Variants in ELK3 observed in about 807,000 individuals in gnomAD.
ELK3 encodes the protein ETS domain-containing protein Elk-3.
Under a neutral mutation model 28.9 loss-of-function variants are expected in ELK3, and 10 were observed. That is an observed-to-expected ratio of 0.35 (90% CI 0.21 to 0.59). The LOEUF (loss-of-function observed/expected upper bound fraction) is 0.59. Ranked by LOEUF, ELK3 falls within the 20% of genes least tolerant of loss-of-function variation. ELK3 has a pLI of 0.82. For synonymous variants in ELK3, 272 were observed against 243.5 expected (o/e 1.12, Z -1.09); for missense variants, 463 against 517.3 (o/e 0.90, Z 1.02).
chr12:96,262,952 C>T (rs1952004923), intron 4 of ELK3, among the ~76,000 whole-genome samples: 1 of 152,036 alleles, frequency 6.6e-6, no homozygotes, highest in Non-Finnish European at 1.5e-5. Flanking sequence ...CGCTGGCCAA[C>T]ATCCCTTTTA....
intron 2 of ELK3, among the ~76,000 whole-genome samples, chr12:96,245,626 C>T (rs1307047627): frequency 6.6e-6 from 1 of 152,056 alleles, no homozygotes; most frequent in Non-Finnish European, 1.5e-5. Flanking sequence ...AAACAGAGTC[C>T]TTTTCCCATA....
chr12:96,257,823 C>A (rs143317713), intron 3 of ELK3, among the ~76,000 whole-genome samples: 2 of 152,336 alleles, frequency 1.3e-5, no homozygotes, highest in East Asian at 3.9e-4. Flanking sequence ...AGGATTAAGT[C>A]CTTCTCTGTA....
intron 4 of ELK3, among the ~76,000 whole-genome samples, chr12:96,262,518 G>GA (rs1952000257): frequency 6.6e-6 from 1 of 151,860 alleles, no homozygotes; most frequent in Admixed American, 6.6e-5. Context: ...TACAACCCTT[G>GA]AAAAAAAAGA....
intron 3 of ELK3, among the ~76,000 whole-genome samples, chr12:96,248,481 G>A (rs1951876411): frequency 6.6e-6 from 1 of 152,200 alleles, no homozygotes; most frequent in Non-Finnish European, 1.5e-5. Flanking sequence ...TTGAAAATTG[G>A]ATGCAATTTT....
At chr12:96,261,816 A>T (rs1048815019) in intron 4 of ELK3, among the ~76,000 whole-genome samples, 2 of 152,134 alleles carry the variant, frequency 1.3e-5, no homozygotes, top group African/African-American at 4.8e-5. Flanking sequence ...GTCTACAGTG[A>T]TTCGACACGT....
intron 3 of ELK3, among the ~76,000 whole-genome samples, chr12:96,256,661 C>T (rs1565792168): frequency 6.6e-6 from 1 of 152,152 alleles, no homozygotes; most frequent in Non-Finnish European, 1.5e-5. Flanking sequence ...AAAAATGTGC[C>T]AATCACCATA....
chr12:96,259,763 A>G lies in ELK3; in HGVS notation c.1035A>G (p.Pro345=). 6.2e-7 allele frequency: 1 copy of G among 1,611,094 alleles called. No homozygotes were observed. The highest frequency in any genetic ancestry group is 8.5e-7 in the Non-Finnish European group (1 of 1,178,956). The change falls in exon 4 of 5, where the codon CCA becomes CCG. Residue 345 remains proline, a synonymous_variant. Coordinates refer to ENST00000228741, the MANE Select transcript of ELK3 (RefSeq NM_005230.4). ...TPNGLLLTPS[P]LLSSIHFWSS... The stretch of plus-strand genomic sequence containing the variant: ...ATGGATTGCTTCTGACTCCGAGTCC[A>G]CTGCTCTCCAGCATACATTTCTGGA...
chr12:96,260,867 G>A (rs527768291), intron 4 of ELK3, among the ~76,000 whole-genome samples: 4 of 152,242 alleles, frequency 2.6e-5, no homozygotes, highest in Admixed American at 2.0e-4. Flanking sequence ...CATCTAGCAC[G>A]TGGCACTTTG....
intron 1 of ELK3, among the ~76,000 whole-genome samples, chr12:96,199,776 A>G (rs1951497255): frequency 6.6e-6 from 1 of 152,214 alleles, no homozygotes; most frequent in South Asian, 2.1e-4. Flanking sequence ...GTATTAATTT[A>G]CATTTCCTGG....
chr12:96,229,523 CTTTTTTTTTTT>C (rs10578974), intron 2 of ELK3, among the ~76,000 whole-genome samples: 1 of 66,272 alleles, frequency 1.5e-5, no homozygotes, highest in Non-Finnish European at 2.6e-5. Context: ...CCAGATTTTC[CTTTTTTTTTTT>C]TTTTTTTTTT....
At chr12:96,226,809 GGA>G (rs1189816680) in intron 2 of ELK3, among the ~76,000 whole-genome samples, 5 of 152,084 alleles carry the variant, frequency 3.3e-5, no homozygotes, top group African/African-American at 1.2e-4. Flanking sequence ...AAGAAAAGAA[GGA>G]GAGGGGGAGG....
intron 4 of ELK3, among the ~76,000 whole-genome samples, chr12:96,266,682 C>T (rs1565795233): frequency 6.6e-6 from 1 of 152,102 alleles, no homozygotes; most frequent in Non-Finnish European, 1.5e-5. Flanking sequence ...TACTGACTCA[C>T]ATGTAAAGAG....
chr12:96,215,564 G>A (rs1055361105), intron 1 of ELK3, among the ~76,000 whole-genome samples: 3 of 151,698 alleles, frequency 2.0e-5, no homozygotes, highest in African/African-American at 2.4e-5. Flanking sequence ...TTGAGGCTCC[G>A]TCGGATTAAA....
chr12:96,248,229 CAA>C (rs1387282688), intron 3 of ELK3, among the ~76,000 whole-genome samples: 61 of 152,196 alleles, frequency 4.0e-4, no homozygotes, highest in Non-Finnish European at 2.2e-4. Flanking sequence ...TAATAAGAAA[CAA>C]AGGGGCCACC....
chr12:96,236,590 G>A (rs900826919), intron 2 of ELK3, among the ~76,000 whole-genome samples: 6 of 151,914 alleles, frequency 3.9e-5, no homozygotes, highest in African/African-American at 1.2e-4. Context: ...GGGTGTGTAC[G>A]TGTGTGTGTG....
chr12:96,257,398 TACAGTAGTCTGAGTAC>T (rs1951958791), intron 3 of ELK3, among the ~76,000 whole-genome samples: 1 of 152,242 alleles, frequency 6.6e-6, no homozygotes, highest in South Asian at 2.1e-4. Flanking sequence ...ACAAGAAGGC[TACAGTAGTCTGAGTAC>T]ATCCTGTATT....
At chr12:96,227,996 C>T (rs143497933) in intron 2 of ELK3, among the ~76,000 whole-genome samples, 220 of 152,240 alleles carry the variant, frequency 1.4e-3, no homozygotes, top group African/African-American at 3.8e-3. Flanking sequence ...CTAATTTGAA[C>T]ATTGCAGACA....
At chr12:96,239,746 C>T (rs1951807257) in intron 2 of ELK3, among the ~76,000 whole-genome samples, 2 of 152,238 alleles carry the variant, frequency 1.3e-5, no homozygotes, top group South Asian at 2.1e-4. Context: ...TGGCCTCTCC[C>T]AGGAACCCTG....
chr12:96,259,716 T>G lies in ELK3; in HGVS notation c.1003-15T>G, dbSNP rs753798642. 1.2e-6 allele frequency: 2 copies of G among 1,606,270 alleles called. No homozygotes were observed. Among genetic ancestry groups the G allele is most frequent in the Admixed American group, 1.7e-5 (1 of 59,576 alleles). On this transcript the variant is annotated splice_polypyrimidine_tract_variant and intron_variant, in intron 3 of 4. Transcript: ENST00000228741. ...GTGAACCTATATGAAGAAGTCTGTT[T>G]GCTTTACTTCCCAGACACCAAATGG...
Sources: gnomAD v4.1 joint callset for allele counts (sites outside exome capture counted in the v4.1 genomes callset) on GRCh38, gnomAD v4.1.1 for gene constraint, MANE v1.5 for transcripts, NCBI Gene and HGNC (gene_info 2026-07-23, HGNC 2026-07-21) for gene names.